The following PLCL1 variants were observed in gnomAD, a reference collection of about 807,000 sequenced individuals.
PLCL1 encodes phospholipase C like 1 (inactive).
Under a neutral mutation model 84.4 loss-of-function variants are expected in PLCL1, and 41 were observed. That is an observed-to-expected ratio of 0.49 (90% CI 0.38 to 0.63). The LOEUF (loss-of-function observed/expected upper bound fraction) is 0.63, where lower values mean the gene tolerates loss of function less well. Among genes scored for constraint, PLCL1 ranks in the 30% least tolerant of loss-of-function variants. The probability of loss-of-function intolerance (pLI) is 0.00; values close to 1 mark genes in which losing one functional copy is unlikely to be tolerated. For missense variants in PLCL1, 1,206 were observed against 1,367.8 expected (o/e 0.88, Z 1.87); for synonymous variants, 490 against 488.3 (o/e 1.00, Z -0.05).
intron 1 of PLCL1, among the ~76,000 whole-genome samples, chr2:198,004,775 T>G (rs1486155817): frequency 6.6e-6 from 1 of 152,222 alleles, no homozygotes; most frequent in East Asian, 1.9e-4. Context: ...CCAAAAAATA[T>G]GAAATTATAG....
chr2:197,978,751 G>C (rs1428923279), intron 1 of PLCL1, among the ~76,000 whole-genome samples: 2 of 152,204 alleles, frequency 1.3e-5, no homozygotes, highest in African/African-American at 4.8e-5. Context: ...ACCAACCCTG[G>C]CCAGGAGCCA....
intron 1 of PLCL1, among the ~76,000 whole-genome samples, chr2:197,843,238 A>G (rs1277461217): frequency 1.3e-5 from 2 of 152,224 alleles, no homozygotes; most frequent in African/African-American, 4.8e-5. Flanking sequence ...CATCATGGGT[A>G]TGGAAGATGG....
chr2:198,044,807 T>A (rs1284909140), intron 1 of PLCL1, among the ~76,000 whole-genome samples: 1 of 152,196 alleles, frequency 6.6e-6, no homozygotes, highest in Non-Finnish European at 1.5e-5. Context: ...CTTTATTTTT[T>A]AAACTGAATC....
chr2:198,026,627 T>C (rs1412181574), intron 1 of PLCL1, among the ~76,000 whole-genome samples: 1 of 152,146 alleles, frequency 6.6e-6, no homozygotes, highest in Non-Finnish European at 1.5e-5. Context: ...AAATATCCAA[T>C]TTATATAAGG....
intron 1 of PLCL1, among the ~76,000 whole-genome samples, chr2:197,955,589 C>A (rs987865508): frequency 6.6e-6 from 1 of 151,510 alleles, no homozygotes; most frequent in Admixed American, 6.6e-5. Context: ...CTCTCTGTGT[C>A]CAAGTGTTCT....
At chr2:198,059,260 C>T (rs376536892) in intron 1 of PLCL1, among the ~76,000 whole-genome samples, 1 of 152,140 alleles carries the variant, frequency 6.6e-6, no homozygotes, top group South Asian at 2.1e-4. Flanking sequence ...AATTCTCTTT[C>T]TGATTTGTGA....
chr2:198,022,509 C>A (rs1469089497), intron 1 of PLCL1, among the ~76,000 whole-genome samples: 3 of 152,166 alleles, frequency 2.0e-5, no homozygotes, highest in Non-Finnish European at 2.9e-5. Flanking sequence ...TCCATCGTCT[C>A]AGTCCAAAAC....
rs571582014 is a variant in PLCL1, at chr2:198,014,255, GT to G, written c.241-69500del. ...TGGGGTTGAAAGAAAAGTGATGTCT[GT>G]TTCAAAGGAATGAAAATTCTTAGGG... On this transcript the variant is annotated intron_variant, in intron 1 of 5. Coordinates refer to ENST00000428675, the MANE Select transcript of PLCL1 (RefSeq NM_006226.4). Among the ~76,000 whole-genome samples the G allele has an allele frequency of 5.3e-5, 8 of 152,194 alleles. No homozygotes were observed. In the South Asian group the frequency reaches 1.7e-3, roughly 32 times the overall value.
chr2:197,883,342 AC>A (rs1687863317), intron 1 of PLCL1, among the ~76,000 whole-genome samples: 1 of 152,176 alleles, frequency 6.6e-6, no homozygotes, highest in African/African-American at 2.4e-5. Flanking sequence ...TGGGAGATAG[AC>A]CTGGTAGACT....
chr2:197,970,203 CTA>C (rs1689832771), intron 1 of PLCL1, among the ~76,000 whole-genome samples: 1 of 152,130 alleles, frequency 6.6e-6, no homozygotes, highest in South Asian at 2.1e-4. Flanking sequence ...GGCCTTCTTG[CTA>C]TGTTATCCTA....
chr2:198,141,254 T>A (rs1332959871), intron 5 of PLCL1, among the ~76,000 whole-genome samples: 1 of 152,196 alleles, frequency 6.6e-6, no homozygotes, highest in Admixed American at 6.5e-5. Flanking sequence ...AATCTGAGCA[T>A]TGATAACTTA....
chr2:198,147,772 CAAT>C lies in PLCL1; in HGVS notation c.*815_*817del, dbSNP rs1313902517. 2 of 152,174 alleles carry C rather than the reference CAAT, an allele frequency of 1.3e-5. No homozygotes were observed. The highest frequency in any genetic ancestry group is 6.6e-5 in the Admixed American group (1 of 15,260). The allele number at this position is 152,174 out of a possible 1,614,324, so 9.4% of individuals were successfully genotyped here. ...TGTTGCAATTAGGATTTTGATGTGA[CAAT>C]AATATTGTTGTATAATTTCGAGATT... On this transcript the variant is annotated 3_prime_UTR_variant, in exon 6 of 6. Transcript: ENST00000428675.
chr2:198,118,493 G>A (rs1372303272), intron 5 of PLCL1, among the ~76,000 whole-genome samples: 1 of 151,886 alleles, frequency 6.6e-6, no homozygotes, highest in African/African-American at 2.4e-5. Flanking sequence ...AAGATACTCA[G>A]GAAAAGTTTT....
At chr2:197,928,987 T>G (rs1231807540) in intron 1 of PLCL1, among the ~76,000 whole-genome samples, 1 of 152,194 alleles carries the variant, frequency 6.6e-6, no homozygotes. Flanking sequence ...TTTTCTTTAA[T>G]TTTTTCAACT....
At chr2:198,016,518 T>A (rs1041547705) in intron 1 of PLCL1, among the ~76,000 whole-genome samples, 2 of 152,212 alleles carry the variant, frequency 1.3e-5, no homozygotes, top group African/African-American at 4.8e-5. Flanking sequence ...CAGGTAGTTC[T>A]GTATTCAAAT....
intron 1 of PLCL1, among the ~76,000 whole-genome samples, chr2:198,082,009 G>C (rs1692725190): frequency 6.6e-6 from 1 of 152,094 alleles, no homozygotes; most frequent in African/African-American, 2.4e-5. Context: ...GAAATGTTCG[G>C]AAGTCAGGAA....
chr2:197,888,510 A>G (rs1396911857), intron 1 of PLCL1, among the ~76,000 whole-genome samples: 1 of 152,176 alleles, frequency 6.6e-6, no homozygotes, highest in Non-Finnish European at 1.5e-5. Context: ...TTCTAGCTTT[A>G]TGATCCTGGA....
At chr2:197,819,998 G>A (rs1397672308) in intron 1 of PLCL1, among the ~76,000 whole-genome samples, 1 of 151,240 alleles carries the variant, frequency 6.6e-6, no homozygotes, top group Non-Finnish European at 1.5e-5. Flanking sequence ...CTGAAAAAAC[G>A]AACAATGATT....
At position 197,942,060 on chromosome 2, in the gene PLCL1, G is replaced by A. The variant is rs545682527; in HGVS notation, c.240+136721G>A. On this transcript the variant is annotated intron_variant, in intron 1 of 5. Transcript: ENST00000428675. Reference sequence around the variant, plus strand: ...GATTTGTCCCATTTCATTGATTTGTGCCATTTGCTAGAAGAATCACTTTGT... The same window carrying A: ...GATTTGTCCCATTTCATTGATTTGTACCATTTGCTAGAAGAATCACTTTGT... Among the ~76,000 whole-genome samples the A allele has an allele frequency of 6.4e-4, 98 of 152,206 alleles. 1 individual carries two copies. Among genetic ancestry groups the A allele is most frequent in the African/African-American group, 2.4e-3 (98 of 41,530 alleles).
Sources: allele counts gnomAD v4.1 joint callset (sites outside exome capture counted in the v4.1 genomes callset), GRCh38; gene constraint gnomAD v4.1.1; transcripts MANE v1.5; gene names NCBI Gene and HGNC (gene_info 2026-07-23, HGNC 2026-07-21).